The following BACH2 variants were observed in gnomAD, a reference collection of about 807,000 sequenced individuals.
BACH2 encodes the protein transcription regulator protein BACH2.
BACH2 carries 5 observed loss-of-function variants against 61.8 expected under a neutral mutation model. That is an observed-to-expected ratio of 0.08 (90% CI 0.04 to 0.17). BACH2 has a LOEUF of 0.17. Among genes scored for constraint, BACH2 ranks in the 10% least tolerant of loss-of-function variants. The probability of loss-of-function intolerance (pLI) is 1.00; values close to 1 mark genes in which losing one functional copy is unlikely to be tolerated. For synonymous variants in BACH2, 446 were observed against 440.1 expected, an observed-to-expected ratio of 1.01 and a Z score of -0.17; for missense variants, 824 against 1,091.1, an observed-to-expected ratio of 0.76 and a Z score of 3.45.
intron 4 of BACH2, among the ~76,000 whole-genome samples, chr6:90,157,633 T>C (rs953001418): frequency 6.6e-5 from 10 of 152,142 alleles, no homozygotes; most frequent in African/African-American, 1.7e-4. Flanking sequence ...GATGACCAGA[T>C]CTTGTATATC....
chr6:89,987,716 G>A (rs996600819), intron 6 of BACH2, among the ~76,000 whole-genome samples: 1 of 152,084 alleles, frequency 6.6e-6, no homozygotes, highest in Admixed American at 6.5e-5. Flanking sequence ...ATTGTTGCAT[G>A]TGTTCAAGCA....
intron 6 of BACH2, among the ~76,000 whole-genome samples, chr6:89,966,104 A>C (rs1331169041): frequency 6.6e-6 from 1 of 152,234 alleles, no homozygotes; most frequent in Admixed American, 6.5e-5. Context: ...TACAGAAGGA[A>C]TAAAGCTACA....
At chr6:90,289,572 A>G (rs1772119593) in intron 1 of BACH2, among the ~76,000 whole-genome samples, 1 of 152,256 alleles carries the variant, frequency 6.6e-6, no homozygotes, top group Admixed American at 6.5e-5. Context: ...CCTGGGACAC[A>G]CTGGAAGAAG....
chr6:90,293,818 A>T (rs2127894979), intron 1 of BACH2, among the ~76,000 whole-genome samples: 1 of 152,334 alleles, frequency 6.6e-6, no homozygotes, highest in East Asian at 1.9e-4. Context: ...GAATAACAAT[A>T]CTGTGCACTT....
At chr6:90,268,922 G>C (rs1308180297) in intron 2 of BACH2, among the ~76,000 whole-genome samples, 2 of 152,044 alleles carry the variant, frequency 1.3e-5, no homozygotes, top group African/African-American at 4.8e-5. Flanking sequence ...AACCATTCTA[G>C]GTAAATAATT....
chr6:90,109,434 G>A (rs11753332), intron 4 of BACH2, among the ~76,000 whole-genome samples: 41,280 of 151,896 alleles, frequency 0.27, 6,892 homozygotes, highest in Non-Finnish European at 0.38. Flanking sequence ...AAATGCTGGC[G>A]TTATCTTGGA....
At chr6:90,204,943 C>T (rs990372099) in intron 4 of BACH2, among the ~76,000 whole-genome samples, 6 of 152,172 alleles carry the variant, frequency 3.9e-5, no homozygotes, top group African/African-American at 1.4e-4. Context: ...CTCAGCCAAA[C>T]AAAAACTCCT....
chr6:89,928,095 T>A lies in BACH2; in HGVS notation c.*4313A>T, dbSNP rs939754678. The A allele has an allele frequency of 2.7e-4, 41 of 152,280 alleles. No individual in the cohort carries two copies. The highest frequency in any genetic ancestry group is 9.7e-4 in the African/African-American group (40 of 41,428). The allele number at this position is 152,280 out of a possible 1,614,324, so 9.4% of individuals were successfully genotyped here. A position where few individuals can be genotyped will look rare whatever the true frequency, so the allele number is the denominator to read the frequency against. The stretch of plus-strand genomic sequence containing the variant: ...AGTTTGGGGAAGAAACACTAACTCA[T>A]GATACAACGAACAGCTTTATTCTTA... On this transcript the variant is annotated 3_prime_UTR_variant, in exon 9 of 9. Coordinates refer to ENST00000257749, the MANE Select transcript of BACH2 (RefSeq NM_021813.4).
intron 4 of BACH2, among the ~76,000 whole-genome samples, chr6:90,098,087 A>G (rs1436044556): frequency 1.3e-5 from 2 of 152,186 alleles, no homozygotes; most frequent in African/African-American, 4.8e-5. Flanking sequence ...CCATAAAAGG[A>G]CAAGTAAAAT....
At chr6:90,171,341 A>G (rs965145713) in intron 4 of BACH2, among the ~76,000 whole-genome samples, 2 of 151,164 alleles carry the variant, frequency 1.3e-5, no homozygotes, top group Non-Finnish European at 2.9e-5. Context: ...TGAACCCAGG[A>G]GGTGGAGGTT....
intron 6 of BACH2, among the ~76,000 whole-genome samples, chr6:89,979,062 T>C (rs1775810865): frequency 6.6e-6 from 1 of 152,198 alleles, no homozygotes; most frequent in Admixed American, 6.5e-5. Flanking sequence ...TCCTTGATAC[T>C]GGAAGCAGAT....
intron 4 of BACH2, among the ~76,000 whole-genome samples, chr6:90,190,517 C>T (rs1213816638): frequency 6.6e-6 from 1 of 152,200 alleles, no homozygotes; most frequent in African/African-American, 2.4e-5. Flanking sequence ...TAAAAACACT[C>T]CAAGTTTCCC....
intron 5 of BACH2, among the ~76,000 whole-genome samples, chr6:90,075,613 A>T (rs1390423959): frequency 1.3e-5 from 2 of 152,168 alleles, no homozygotes; most frequent in Admixed American, 6.6e-5. Flanking sequence ...AAAAAAGTCA[A>T]ATCCAAGATA....
chr6:90,206,229 C>T (rs1382835867), intron 4 of BACH2, among the ~76,000 whole-genome samples: 1 of 152,154 alleles, frequency 6.6e-6, no homozygotes, highest in Non-Finnish European at 1.5e-5. Flanking sequence ...TCTAGGGTCA[C>T]TGACACTAGC....
chr6:89,987,623 G>T (rs910178051), intron 6 of BACH2, among the ~76,000 whole-genome samples: 1 of 152,110 alleles, frequency 6.6e-6, no homozygotes, highest in African/African-American at 2.4e-5. Context: ...ATAGATTTCT[G>T]CCACAAATAA....
chr6:90,008,928 G>A lies in BACH2; in HGVS notation c.-12-72C>T. On this transcript the variant is annotated intron_variant, in intron 5 of 8. Coordinates refer to ENST00000257749, the MANE Select transcript of BACH2 (RefSeq NM_021813.4). The surrounding 1 kb of genome is among the most constrained non-coding windows in gnomAD (Gnocchi z 4.1). ...CACCACAGCTGTAGGATCAGAGAGA[G>A]GAGGTGAGAAAGAACATCATGGTTC... 6.5e-7 allele frequency: 1 copy of A among 1,540,384 alleles called. No homozygotes were observed. Among genetic ancestry groups the A allele is most frequent in the Non-Finnish European group, 8.8e-7 (1 of 1,141,938 alleles).
intron 4 of BACH2, among the ~76,000 whole-genome samples, chr6:90,139,436 A>T (rs1036907258): frequency 6.6e-6 from 1 of 152,208 alleles, no homozygotes; most frequent in Admixed American, 6.5e-5. Flanking sequence ...ATGCACAGTG[A>T]CTGGCTCCCT....
chr6:90,188,445 G>GT (rs754530976), intron 4 of BACH2, among the ~76,000 whole-genome samples: 10 of 151,578 alleles, frequency 6.6e-5, no homozygotes, highest in Non-Finnish European at 1.3e-4. Flanking sequence ...AATTTTGAGG[G>GT]TGCTCATTAT....
chr6:90,057,382 A>G (rs373788189), intron 5 of BACH2, among the ~76,000 whole-genome samples: 5 of 152,380 alleles, frequency 3.3e-5, no homozygotes, highest in East Asian at 3.9e-4. Context: ...GAAGAAACGG[A>G]TAAATTCCTC....
Sources: allele counts gnomAD v4.1 joint callset (sites outside exome capture counted in the v4.1 genomes callset), GRCh38; gene constraint gnomAD v4.1.1; non-coding constraint Gnocchi (gnomAD v3.1); transcripts MANE v1.5; gene names NCBI Gene and HGNC (gene_info 2026-07-23, HGNC 2026-07-21).